The following AKAP12 variants were observed in gnomAD, a reference collection of about 807,000 sequenced individuals.
The protein encoded by AKAP12 is A-kinase anchor protein 12.
A neutral mutation model predicts 79.9 loss-of-function variants in AKAP12; 32 were observed. That is an observed-to-expected ratio of 0.40 (90% CI 0.30 to 0.54). AKAP12 has a LOEUF of 0.54. Ranked by LOEUF, AKAP12 falls within the 20% of genes least tolerant of loss-of-function variation. The pLI is 0.48. For missense variants in AKAP12, 2,074 were observed against 2,177.0 expected, an observed-to-expected ratio of 0.95 and a Z score of 0.94; for synonymous variants, 808 against 857.0, an observed-to-expected ratio of 0.94 and a Z score of 1.00.
In AKAP12 at chr6:151,286,267, T is replaced by C. The variant is rs565970702; in HGVS notation, c.163-19480T>C. Reference sequence around the variant, plus strand: ...CTTTTTCCTGCAGAAGCAAACTTGCTTCAGGAATGGCATCAGGCTGAAAGC... The same window carrying C: ...CTTTTTCCTGCAGAAGCAAACTTGCCTCAGGAATGGCATCAGGCTGAAAGC... On this transcript the variant is annotated intron_variant, in intron 2 of 4. Transcript: ENST00000402676. Among the ~76,000 whole-genome samples, 12 of 152,332 alleles carry C rather than the reference T, an allele frequency of 7.9e-5. No homozygotes were observed. In the South Asian group the frequency reaches 2.5e-3, roughly 32 times the overall value.
At chr6:151,312,117 T>C (rs767401695) in intron 3 of AKAP12, among the ~76,000 whole-genome samples, 3 of 152,210 alleles carry the variant, frequency 2.0e-5, no homozygotes, top group African/African-American at 7.2e-5. Flanking sequence ...TCCTTTTCTC[T>C]ACACCAGTTG....
At chr6:151,327,420 C>A (rs1043410916) in intron 3 of AKAP12, among the ~76,000 whole-genome samples, 2 of 152,074 alleles carry the variant, frequency 1.3e-5, no homozygotes, top group African/African-American at 4.8e-5. Context: ...ACACAAAAAT[C>A]TCCATTTTTT....
rs1283665708 is a variant in AKAP12, at chr6:151,240,738, G to C, written c.162+14G>C. The C allele has an allele frequency of 1.6e-6, 2 of 1,242,564 alleles. No individual in the cohort carries two copies. The highest frequency in any genetic ancestry group is 6.5e-5 in the East Asian group (2 of 30,964). 77.0% of individuals were successfully genotyped at this position (1,242,564 alleles called of 1,614,324 possible). A position where few individuals can be genotyped will look rare whatever the true frequency, so the allele number is the denominator to read the frequency against. On this transcript the variant is annotated intron_variant, in intron 2 of 4. Transcript: ENST00000402676. Reference sequence around the variant, plus strand: ...CCCGCCACCAAGGTACGGGCGTGCCGGGCCACCTGCGCCGGGAGGCGCGGG... The same window carrying C: ...CCCGCCACCAAGGTACGGGCGTGCCCGGCCACCTGCGCCGGGAGGCGCGGG...
chr6:151,275,627 T>C (rs1272036673), intron 2 of AKAP12, among the ~76,000 whole-genome samples: 1 of 152,202 alleles, frequency 6.6e-6, no homozygotes, highest in Non-Finnish European at 1.5e-5. Flanking sequence ...CTTTAATACA[T>C]TTTACATTGA....
In AKAP12 at chr6:151,323,091, T is replaced by A. The variant is rs1251764915; in HGVS notation, c.319+17188T>A. Among the ~76,000 whole-genome samples the A allele has an allele frequency of 2.0e-5, 3 of 152,218 alleles. No homozygotes were observed. In the East Asian group the frequency reaches 5.8e-4, roughly 29 times the overall value. On this transcript the variant is annotated intron_variant, in intron 3 of 4. Transcript: ENST00000402676. ...TGCTTTTATCCTAATTGATGACTTT[T>A]CTTTGTAAATGCAGACACACAGAGG...
chr6:151,323,961 A>AC (rs983301300), intron 3 of AKAP12: 1 of 985,096 alleles, frequency 1.0e-6, no homozygotes, highest in African/African-American at 1.7e-5. Flanking sequence ...ATTAATGTAG[A>AC]CCCTGATGCA....
At chr6:151,303,122 G>A (rs939421056) in intron 2 of AKAP12, among the ~76,000 whole-genome samples, 1 of 152,162 alleles carries the variant, frequency 6.6e-6, no homozygotes, top group African/African-American at 2.4e-5. Flanking sequence ...GAACCCAAAA[G>A]GCGGATGTTG....
chr6:151,347,910 G>A (rs1472635629), intron 3 of AKAP12, among the ~76,000 whole-genome samples: 4 of 151,906 alleles, frequency 2.6e-5, no homozygotes, highest in East Asian at 1.9e-4. Flanking sequence ...GTTGGCTCAC[G>A]CCTGTAATCC....
At chr6:151,247,473 G>A (rs556421596) in intron 2 of AKAP12, among the ~76,000 whole-genome samples, 2 of 152,202 alleles carry the variant, frequency 1.3e-5, no homozygotes, top group East Asian at 1.9e-4. Flanking sequence ...TTGGAAAAAA[G>A]CAAGTTCAAG....
At position 151,305,847 on chromosome 6, in the gene AKAP12, T is replaced by C. The variant is rs1776966221; in HGVS notation, c.263T>C (p.Leu88Pro). The C allele has an allele frequency of 1.2e-6, 2 of 1,613,956 alleles. No homozygotes were observed. The highest frequency in any genetic ancestry group is 2.7e-5 in the African/African-American group (2 of 75,020). ...GACCTAAATGGCCAGAAAGGAGCCC[T>C]GAACGGTCAAGGAGCCCTAAACAGC... Reference protein sequence around the residue: ...EGDLNGQKGALNGQGALNSQE... With the variant: ...EGDLNGQKGAPNGQGALNSQE... Residue 88 changes from leucine to proline, a missense_variant, in exon 3 of 5, where the codon CTG (leucine) becomes CCG (proline). Coordinates refer to ENST00000402676, the MANE Select transcript of AKAP12 (RefSeq NM_005100.4).
At position 151,288,456 on chromosome 6, in the gene AKAP12, G is replaced by T. The variant is rs546482947; in HGVS notation, c.163-17291G>T. Among the ~76,000 whole-genome samples the T allele has an allele frequency of 1.8e-4, 27 of 152,290 alleles. No individual in the cohort carries two copies. In the South Asian group the frequency reaches 5.6e-3, roughly 32 times the overall value. ...AACCCCGGGAGGCGGAGGCTACAGT[G>T]AGCTGAGATCGCGCCGCTGTACTCC... On this transcript the variant is annotated intron_variant, in intron 2 of 4. Coordinates refer to ENST00000402676, the MANE Select transcript of AKAP12 (RefSeq NM_005100.4).
intron 3 of AKAP12, chr6:151,323,844 A>G (rs1409584464): frequency 1.0e-6 from 1 of 985,306 alleles, no homozygotes; most frequent in Non-Finnish European, 1.2e-6. Flanking sequence ...GCACCAGATG[A>G]TAGCCTTGTG....
chr6:151,341,552 C>T, intron 3 of AKAP12: 1 of 320,258 alleles, frequency 3.1e-6, no homozygotes, highest in Non-Finnish European at 5.1e-6. Flanking sequence ...TTGTGATGTT[C>T]GCGGCTGGCT....
At chr6:151,270,057 T>TTTG (rs939350471) in intron 2 of AKAP12, among the ~76,000 whole-genome samples, 4 of 152,086 alleles carry the variant, frequency 2.6e-5, no homozygotes, top group Admixed American at 6.6e-5. Context: ...TACTTCCTGT[T>TTTG]TTGTTGTTGT....
At chr6:151,324,716 A>C in intron 3 of AKAP12, 3 of 985,458 alleles carry the variant, frequency 3.0e-6, no homozygotes, top group Non-Finnish European at 3.6e-6. Context: ...GAAGGGAACA[A>C]ACCCAGGGGA....
rs573070073 is a variant in AKAP12 at position 151,356,737 on chromosome 6, T to G, written c.*1023T>G. ...ACACATTCATTTGGATAAGTTGTGA[T>G]TTGACGACTGATTTAAATAAAATAT... On this transcript the variant is annotated 3_prime_UTR_variant, in exon 5 of 5. Transcript: ENST00000402676. 1 of 152,376 alleles carries G rather than the reference T, an allele frequency of 6.6e-6. No homozygotes were observed. Among genetic ancestry groups the G allele is most frequent in the African/African-American group, 2.4e-5 (1 of 41,590 alleles). 9.4% of individuals were successfully genotyped at this position (152,376 alleles called of 1,614,324 possible). A position where few individuals can be genotyped will look rare whatever the true frequency, so the allele number is the denominator to read the frequency against.
chr6:151,351,811 A>G lies in AKAP12; in HGVS notation c.3420A>G (p.Gln1140=), dbSNP rs1488353440. 6.2e-7 allele frequency: 1 copy of G among 1,614,142 alleles called. No individual in the cohort carries two copies. The highest frequency in any genetic ancestry group is 1.1e-5 in the South Asian group (1 of 91,082). The change falls in exon 4 of 5, where the codon CAA becomes CAG. Residue 1140 remains glutamine (Q), a synonymous_variant. Coordinates refer to ENST00000402676, the MANE Select transcript of AKAP12 (RefSeq NM_005100.4). The surrounding 1 kb of genome is among the most constrained non-coding windows in gnomAD (Gnocchi z 4.4). ...CCAGTGAGCTTGTAACCACTTGTCA[A>G]GCCGAAACCTTAGCTGGGGTAAAAT... is the stretch of plus-strand genomic sequence containing the variant. The part of the protein sequence containing the change: ...IESSELVTTC[Q]AETLAGVKSQ...
At chr6:151,260,435 GTCTC>G (rs1434022710) in intron 2 of AKAP12, among the ~76,000 whole-genome samples, 1 of 152,192 alleles carries the variant, frequency 6.6e-6, no homozygotes, top group Non-Finnish European at 1.5e-5. Flanking sequence ...AATAGGAGAT[GTCTC>G]TCATTATTAA....
At chr6:151,297,515 G>T (rs1233920526) in intron 2 of AKAP12, among the ~76,000 whole-genome samples, 1 of 149,862 alleles carries the variant, frequency 6.7e-6, no homozygotes, top group East Asian at 2.0e-4. Flanking sequence ...GGAAGTTGCA[G>T]TGAGCCAAGA....
Sources: gnomAD v4.1 joint callset for allele counts (sites outside exome capture counted in the v4.1 genomes callset) on GRCh38, gnomAD v4.1.1 for gene constraint, Gnocchi (gnomAD v3.1) non-coding constraint, MANE v1.5 for transcripts, NCBI Gene and HGNC (gene_info 2026-07-23, HGNC 2026-07-21) for gene names.